The following BICDL1 variants were observed in gnomAD, a reference collection of about 807,000 sequenced individuals.
BICDL1 encodes BICD family like cargo adaptor 1.
Under a neutral mutation model 76.8 loss-of-function variants are expected in BICDL1, and 20 were observed. That is an observed-to-expected ratio of 0.26 (90% confidence interval 0.18 to 0.38). The LOEUF (loss-of-function observed/expected upper bound fraction) is 0.38. Ranked by LOEUF, BICDL1 falls within the 10% of genes least tolerant of loss-of-function variation. The pLI is 1.00. For synonymous variants in BICDL1, 383 were observed against 337.1 expected (o/e 1.14, Z -1.49); for missense variants, 700 against 798.6 (o/e 0.88, Z 1.49).
At chr12:120,041,321 A>G (rs1952637590) in intron 2 of BICDL1, among the ~76,000 whole-genome samples, 2 of 152,336 alleles carry the variant, frequency 1.3e-5, no homozygotes, top group South Asian at 2.1e-4. Flanking sequence ...TTTAAATTTT[A>G]CCTCTGAAAC....
intron 2 of BICDL1, among the ~76,000 whole-genome samples, chr12:120,026,363 C>T (rs904213625): frequency 1.3e-5 from 2 of 152,056 alleles, no homozygotes; most frequent in African/African-American, 4.8e-5. Flanking sequence ...GACAGATGGT[C>T]ATTTGTATAG....
intron 2 of BICDL1, among the ~76,000 whole-genome samples, chr12:120,054,725 A>C (rs1952939253): frequency 6.6e-6 from 1 of 152,028 alleles, no homozygotes; most frequent in Non-Finnish European, 1.5e-5. Flanking sequence ...AAAAATGCAA[A>C]AAAAATTAGC....
intron 2 of BICDL1, among the ~76,000 whole-genome samples, chr12:120,044,410 G>C (rs1952704923): frequency 1.3e-5 from 2 of 152,154 alleles, no homozygotes; most frequent in African/African-American, 4.8e-5. Flanking sequence ...ATGTGTCCCT[G>C]TGTCACCACT....
At chr12:120,091,451 A>G in intron 9 of BICDL1, 2 of 1,000,830 alleles carry the variant, frequency 2.0e-6, no homozygotes, top group Non-Finnish European at 2.4e-6. Flanking sequence ...TTTAGCGTAG[A>G]TTTTACTGAG....
intron 2 of BICDL1, among the ~76,000 whole-genome samples, chr12:120,050,588 G>A (rs1391614513): frequency 1.3e-5 from 2 of 151,168 alleles, no homozygotes; most frequent in Admixed American, 1.3e-4. Context: ...TCTTAATGAT[G>A]TCTTCTAATG....
intron 2 of BICDL1, among the ~76,000 whole-genome samples, chr12:120,049,211 T>A (rs139226203): frequency 1.3e-5 from 2 of 152,262 alleles, no homozygotes; most frequent in East Asian, 3.9e-4. Context: ...ATGCTATAGC[T>A]AAGTCTAGAA....
intron 4 of BICDL1, among the ~76,000 whole-genome samples, chr12:120,066,235 A>G (rs1352883125): frequency 6.6e-6 from 1 of 152,212 alleles, no homozygotes; most frequent in Non-Finnish European, 1.5e-5. Context: ...CCTGTAGCTC[A>G]GTGATAACTT....
chr12:120,065,225 C>T lies in BICDL1; in HGVS notation c.909+346C>T, dbSNP rs539553821. Among the ~76,000 whole-genome samples, 3 of 152,280 alleles carry T rather than the reference C, an allele frequency of 2.0e-5. No homozygotes were observed. The South Asian group carries it at 6.2e-4, about 32-fold the overall frequency. On this transcript the variant is annotated intron_variant, in intron 4 of 9. Coordinates refer to ENST00000548673, the MANE Select transcript of BICDL1 (RefSeq NM_001367886.1). The stretch of plus-strand genomic sequence containing the variant: ...ATCTGCTAGAAGGTTTCAGAGGGAG[C>T]CTGTGACTCTCTAACTCAGCTCATA...
intron 1 of BICDL1, among the ~76,000 whole-genome samples, chr12:119,997,632 C>T (rs1951677544): frequency 1.3e-5 from 2 of 152,164 alleles, no homozygotes. Flanking sequence ...TAGACAGTCC[C>T]CGCTTTGCCG....
rs1011714204 is a variant in BICDL1 at position 120,042,604 on chromosome 12, A to G, written c.646-19106A>G. Among the ~76,000 whole-genome samples the G allele has an allele frequency of 3.9e-5, 6 of 152,152 alleles. No individual in the cohort carries two copies. In the South Asian group the frequency reaches 1.2e-3, roughly 32 times the overall value. ...CGGGTCACCTGAGGTCAGGAGTTTG[A>G]GACCAGCCTGGCCAACATGATGAAA... On this transcript the variant is annotated intron_variant, in intron 2 of 9. Coordinates refer to ENST00000548673, the MANE Select transcript of BICDL1 (RefSeq NM_001367886.1).
At chr12:120,060,880 C>T (rs922615846) in intron 2 of BICDL1, among the ~76,000 whole-genome samples, 7 of 152,170 alleles carry the variant, frequency 4.6e-5, no homozygotes, top group African/African-American at 1.2e-4. Flanking sequence ...TTCCAGCACA[C>T]GGTGATCTCT....
chr12:120,087,042 G>A (rs75989943), intron 8 of BICDL1, among the ~76,000 whole-genome samples: 8,898 of 152,278 alleles, frequency 0.058, 535 homozygotes, highest in African/African-American at 0.15. Flanking sequence ...CACATTCCTG[G>A]GGCTCCCGCT....
At chr12:120,019,044 CA>C (rs60381935) in intron 2 of BICDL1, 4,431 of 49,340 alleles carry the variant, frequency 0.09, 141 homozygotes, top group African/African-American at 0.25. Flanking sequence ...GACTCCGTCT[CA>C]AAAAAAAAAA....
intron 2 of BICDL1, among the ~76,000 whole-genome samples, chr12:120,052,770 A>T (rs1442061657): frequency 6.6e-6 from 1 of 151,772 alleles, no homozygotes; most frequent in South Asian, 2.1e-4. Context: ...CCTAATGATG[A>T]TTTTCTTTTG....
intron 2 of BICDL1, among the ~76,000 whole-genome samples, chr12:120,006,286 A>G (rs1951849336): frequency 6.6e-6 from 1 of 152,184 alleles, no homozygotes; most frequent in African/African-American, 2.4e-5. Flanking sequence ...GTTAAGCAAG[A>G]CGTATTTGTT....
chr12:120,039,653 A>G lies in BICDL1; in HGVS notation c.646-22057A>G, dbSNP rs1049632964. Among the ~76,000 whole-genome samples the G allele has an allele frequency of 4.6e-5, 7 of 151,404 alleles. No individual in the cohort carries two copies. The East Asian group carries it at 9.7e-4, about 21-fold the overall frequency. ...ACTCCGTCTCAAAAAAAAAAAAAAA[A>G]AAAAAAAGAAAAGGCTTCATGGAGG... On this transcript the variant is annotated intron_variant, in intron 2 of 9. Coordinates refer to ENST00000548673, the MANE Select transcript of BICDL1 (RefSeq NM_001367886.1).
intron 8 of BICDL1, among the ~76,000 whole-genome samples, chr12:120,081,424 T>A (rs1293010495): frequency 6.9e-6 from 1 of 145,642 alleles, no homozygotes; most frequent in Non-Finnish European, 1.5e-5. Context: ...CGATCTCAGC[T>A]CCCTGCAACC....
intron 2 of BICDL1, among the ~76,000 whole-genome samples, chr12:120,038,025 A>C (rs909242629): frequency 2.0e-5 from 3 of 152,334 alleles, no homozygotes; most frequent in East Asian, 1.9e-4. Flanking sequence ...GTGACCTGGA[A>C]GTGGGTAGTT....
Position 120,061,838 on chromosome 12 carries a change from G to A in BICDL1, c.762+12G>A, listed in dbSNP as rs928518967. 11 of 1,587,280 alleles carry A rather than the reference G, an allele frequency of 6.9e-6. No individual in the cohort carries two copies. Among genetic ancestry groups the A allele is most frequent in the Admixed American group, 5.0e-5 (3 of 59,922 alleles). On this transcript the variant is annotated intron_variant, in intron 3 of 9. Transcript: ENST00000548673. ...GCCTTCAGGCCGAGGTGAGCCTCCC[G>A]ACACAGCAGTGCTGGAAGGTGGAGT...
Sources: gnomAD v4.1 joint callset for allele counts (sites outside exome capture counted in the v4.1 genomes callset) on GRCh38, gnomAD v4.1.1 for gene constraint, MANE v1.5 for transcripts, NCBI Gene and HGNC (gene_info 2026-07-23, HGNC 2026-07-21) for gene names.